Variants in VPS53 observed in about 807,000 individuals in gnomAD.
VPS53 encodes the protein VPS53 subunit of GARP complex.
Under a neutral mutation model 107.0 loss-of-function variants are expected in VPS53, and 70 were observed. The ratio of observed to expected loss-of-function variants is 0.65; its 90% CI spans 0.54 to 0.80. The LOEUF (loss-of-function observed/expected upper bound fraction) is 0.80. Ranked by LOEUF, VPS53 falls within the 30% of genes least tolerant of loss-of-function variation. The pLI, the probability that VPS53 is intolerant of heterozygous loss-of-function variation, is 0.00. For missense variants in VPS53, 917 were observed against 1,049.4 expected (o/e 0.87, Z 1.74); for synonymous variants, 409 against 393.3 (o/e 1.04, Z -0.47).
At chr17:572,908 C>T (rs1031723994) in intron 13 of VPS53, among the ~76,000 whole-genome samples, 1 of 151,610 alleles carries the variant, frequency 6.6e-6, no homozygotes, top group Admixed American at 6.6e-5. Flanking sequence ...CCTCAGGGTC[C>T]TCTGCCTAGG....
At position 567,074 on chromosome 17, in the gene VPS53, A is replaced by T. The variant is rs4968165; in HGVS notation, c.1314-4329T>A. 5.3e-5 allele frequency among the ~76,000 whole-genome samples: 8 copies of T among 152,104 alleles called. No homozygotes were observed. The South Asian group carries it at 1.5e-3, about 28-fold the overall frequency. Reference sequence around the variant, plus strand: ...CTGATGTGCTTCCAGGCGTGAGCCAACGCGCCAGCCAACTCTGATGTGATT... The same window carrying T: ...CTGATGTGCTTCCAGGCGTGAGCCATCGCGCCAGCCAACTCTGATGTGATT... On this transcript the variant is annotated intron_variant, in intron 13 of 21. Coordinates refer to ENST00000437048, the MANE Select transcript of VPS53 (RefSeq NM_001128159.3).
At position 628,161 on chromosome 17, in the gene VPS53, T is replaced by G; in HGVS notation, c.758A>C (p.Lys253Thr). Residue 253 changes from lysine to threonine, a missense_variant, in exon 9 of 22, where the codon AAA becomes ACA. Transcript: ENST00000437048. Reference protein sequence around the residue: ...LVANILDPRIKQEIIKKFIKQ... With the variant: ...LVANILDPRITQEIIKKFIKQ... ...AATAAACTTTTTGATGATTTCCTGT[T>G]TGATCCTGGGATCTAGAATATTAGC... is the stretch of plus-strand genomic sequence containing the variant. The G allele has an allele frequency of 1.2e-6, 2 of 1,614,084 alleles. No individual in the cohort carries two copies. Among genetic ancestry groups the G allele is most frequent in the Non-Finnish European group, 1.7e-6 (2 of 1,179,994 alleles).
intron 13 of VPS53, 110 bp from the exon 14 acceptor site, chr17:562,855 G>T: frequency 7.9e-7 from 1 of 1,264,140 alleles, no homozygotes; most frequent in Non-Finnish European, 1.1e-6. Flanking sequence ...CATTCCTACT[G>T]CATTTAAAAC....
chr17:643,896 C>G (rs535249884), intron 7 of VPS53, among the ~76,000 whole-genome samples: 1 of 152,364 alleles, frequency 6.6e-6, no homozygotes, highest in Admixed American at 6.5e-5. Context: ...GGCCATAGAG[C>G]TGTGCAGGCC....
At chr17:539,853 T>C (rs1032581049) in intron 17 of VPS53, among the ~76,000 whole-genome samples, 1 of 152,178 alleles carries the variant, frequency 6.6e-6, no homozygotes, top group Non-Finnish European at 1.5e-5. Flanking sequence ...AACAACCTTA[T>C]AGATGAGGAA....
intron 4 of VPS53, among the ~76,000 whole-genome samples, chr17:680,124 T>A (rs746010658): frequency 5.3e-5 from 8 of 152,292 alleles, no homozygotes; most frequent in Non-Finnish European, 8.8e-5. Flanking sequence ...TGAAACCCCA[T>A]CTCTACTACA....
chr17:539,220 C>T (rs1335252241), intron 17 of VPS53: 8 of 152,232 alleles, frequency 5.3e-5, no homozygotes, highest in South Asian at 2.1e-4. Context: ...AAGGTGGCGA[C>T]GTGCTCTGTC....
chr17:686,306 T>C (rs1972583843), intron 4 of VPS53, among the ~76,000 whole-genome samples: 1 of 151,556 alleles, frequency 6.6e-6, no homozygotes, highest in Non-Finnish European at 1.5e-5. Flanking sequence ...AATGACAGAG[T>C]GAGACCCTGT....
At position 520,812 on chromosome 17, in the gene VPS53, T is replaced by C. The variant is rs1908686247; in HGVS notation, c.2223+789A>G. On this transcript the variant is annotated intron_variant, in intron 20 of 21. Transcript: ENST00000437048. The surrounding 1 kb of genome is among the most constrained non-coding windows in gnomAD (Gnocchi z 4.4). ...CTTCACCCTCACCTACATGAGCTGC[T>C]TCACCCTCACCTACATGAGCTGCTT... Among the ~76,000 whole-genome samples, 1 of 152,042 alleles carries C rather than the reference T, an allele frequency of 6.6e-6. No individual in the cohort carries two copies. The highest frequency in any genetic ancestry group is 2.4e-5 in the African/African-American group (1 of 41,396).
chr17:629,809 C>CCACACACACACA (rs61004817), intron 8 of VPS53, among the ~76,000 whole-genome samples: 7 of 140,746 alleles, frequency 5.0e-5, no homozygotes, highest in African/African-American at 1.9e-4. Context: ...AAAAAAAAAA[C>CCACACACACACA]CACACACACA....
intron 1 of VPS53, among the ~76,000 whole-genome samples, chr17:711,817 ATTT>A (rs11375713): frequency 2.1e-5 from 3 of 142,504 alleles, no homozygotes; most frequent in South Asian, 2.2e-4. Flanking sequence ...TTCATGGGCA[ATTT>A]TTTTTTTTTT....
Position 519,173 on chromosome 17 carries a change from C to T in VPS53, c.2454G>A (p.Ser818=), listed in dbSNP as rs1048414158. The T allele has an allele frequency of 1.9e-5, 29 of 1,546,244 alleles. No homozygotes were observed. The highest frequency in any genetic ancestry group is 4.9e-5 in the East Asian group (2 of 40,778). Residue 818 remains serine (S), a synonymous_variant, in exon 22 of 22, where the codon TCG becomes TCA. Coordinates refer to ENST00000437048, the MANE Select transcript of VPS53 (RefSeq NM_001128159.3). The surrounding 1 kb of genome is among the most constrained non-coding windows in gnomAD (Gnocchi z 5.0). ...GTTTCTCGAGCTTGCGGATGCGTGA[C>T]GACTCTTGCTCTGGTGTTGGCGCCG... The part of the protein sequence containing the change: ...SLTAPTPEQE[S]SRIRKLEKLI...
intron 7 of VPS53, among the ~76,000 whole-genome samples, chr17:646,784 T>C (rs1347224472): frequency 5.4e-5 from 5 of 93,380 alleles, no homozygotes; most frequent in Admixed American, 1.2e-4. Flanking sequence ...TGACTGGAGA[T>C]CGGCTCCCAC....
At chr17:546,226 AT>A (rs928000388) in intron 17 of VPS53, among the ~76,000 whole-genome samples, 1 of 151,936 alleles carries the variant, frequency 6.6e-6, no homozygotes, top group Non-Finnish European at 1.5e-5. Context: ...GAAGACCTAC[AT>A]TTTTTTCCTT....
chr17:525,149 T>G (rs553994292), intron 19 of VPS53, among the ~76,000 whole-genome samples: 71 of 152,064 alleles, frequency 4.7e-4, no homozygotes, highest in Middle Eastern at 3.4e-3. Context: ...TCTCAGAAAA[T>G]AGTAAGTTGG....
intron 8 of VPS53, among the ~76,000 whole-genome samples, chr17:629,542 G>A (rs1969852107): frequency 6.6e-6 from 1 of 152,042 alleles, no homozygotes; most frequent in South Asian, 2.1e-4. Flanking sequence ...CAGATCATGA[G>A]GTCAGGAGAT....
chr17:585,117 C>G (rs923770092), intron 13 of VPS53, among the ~76,000 whole-genome samples: 3 of 152,104 alleles, frequency 2.0e-5, no homozygotes, highest in African/African-American at 7.2e-5. Flanking sequence ...TATTAATTAC[C>G]AGGAGAAAAA....
At chr17:681,370 C>T (rs1972387594) in intron 4 of VPS53, among the ~76,000 whole-genome samples, 2 of 152,142 alleles carry the variant, frequency 1.3e-5, no homozygotes, top group South Asian at 2.1e-4. Context: ...CTCCTGACCT[C>T]GTGATCTGCC....
chr17:685,281 A>C (rs1972546629), intron 4 of VPS53: 1 of 152,218 alleles, frequency 6.6e-6, no homozygotes, highest in African/African-American at 2.4e-5. Context: ...TCTGTTCATT[A>C]CAATACGGCA....
Sources: gnomAD v4.1 joint callset for allele counts (sites outside exome capture counted in the v4.1 genomes callset) on GRCh38, gnomAD v4.1.1 for gene constraint, Gnocchi (gnomAD v3.1) non-coding constraint, MANE v1.5 for transcripts, NCBI Gene and HGNC (gene_info 2026-07-23, HGNC 2026-07-21) for gene names.